IRAK2: variants seen among roughly 807,000 people sequenced by gnomAD.
IRAK2 encodes interleukin 1 receptor associated kinase 2.
In IRAK2, 57 loss-of-function variants were observed where a neutral mutation model predicts 72.0. The ratio of observed to expected loss-of-function variants is 0.79; its 90% CI spans 0.64 to 0.99. IRAK2 has a LOEUF of 0.99. Ranked by LOEUF, IRAK2 falls within the 50% of genes least tolerant of loss-of-function variation. The probability of loss-of-function intolerance (pLI) is 0.00; values close to 1 mark genes in which losing one functional copy is unlikely to be tolerated. For synonymous variants in IRAK2, 293 were observed against 312.7 expected (o/e 0.94, Z 0.67); for missense variants, 790 against 794.4 (o/e 0.99, Z 0.07).
chr3:10,229,957 C>T (rs150069241), intron 10 of IRAK2, among the ~76,000 whole-genome samples: 1 of 151,866 alleles, frequency 6.6e-6, no homozygotes, highest in Non-Finnish European at 1.5e-5. Flanking sequence ...AAAATTAGCC[C>T]TGTGTGGTGG....
intron 1 of IRAK2, among the ~76,000 whole-genome samples, chr3:10,170,834 C>T (rs755061403): frequency 1.3e-5 from 2 of 152,214 alleles, no homozygotes; most frequent in Non-Finnish European, 2.9e-5. Flanking sequence ...GCGGTGCCTC[C>T]GGCCCACTGC....
At chr3:10,197,464 T>G (rs1470636895) in intron 2 of IRAK2, among the ~76,000 whole-genome samples, 1 of 151,976 alleles carries the variant, frequency 6.6e-6, no homozygotes. Context: ...GTGGACTATT[T>G]AAGAGATAAC....
chr3:10,235,646 C>T lies in IRAK2; in HGVS notation c.1473+987C>T, dbSNP rs1304956055. On this transcript the variant is annotated intron_variant, in intron 11 of 12. Coordinates refer to ENST00000256458, the MANE Select transcript of IRAK2 (RefSeq NM_001570.4). ...CCCCACCTGTGACTCGGACCAGACA[C>T]CCACTTTTGACTTCTCTCAGTTACT... is the stretch of plus-strand genomic sequence containing the variant. Among the ~76,000 whole-genome samples the T allele has an allele frequency of 5.3e-5, 8 of 152,110 alleles. No individual in the cohort carries two copies. The East Asian group carries it at 1.5e-3, about 29-fold the overall frequency.
intron 8 of IRAK2, among the ~76,000 whole-genome samples, chr3:10,220,508 T>C (rs1027997624): frequency 3.3e-5 from 5 of 152,104 alleles, no homozygotes; most frequent in African/African-American, 1.2e-4. Context: ...AGTGGTGCGA[T>C]CTCAGCTCAC....
chr3:10,170,206 C>T (rs1259470486), intron 1 of IRAK2, among the ~76,000 whole-genome samples: 4 of 152,204 alleles, frequency 2.6e-5, no homozygotes, highest in Non-Finnish European at 2.9e-5. Context: ...TGTATCATCA[C>T]ATCTGTCTCT....
intron 2 of IRAK2, among the ~76,000 whole-genome samples, chr3:10,198,712 T>A (rs1051109570): frequency 6.6e-6 from 1 of 152,178 alleles, no homozygotes; most frequent in African/African-American, 2.4e-5. Flanking sequence ...AAAAGTGAGG[T>A]CCCAGGGTAA....
rs1696901500 is a variant in IRAK2 at position 10,177,885 on chromosome 3, A to C, written c.142A>C (p.Met48Leu). The stretch of plus-strand genomic sequence containing the variant: ...GACCCAGCTGCGGAAGATCAAGTCC[A>C]TGGAGCGGGTGCAGGGTGTGAGCAT... ...DLTQLRKIKS[M>L]ERVQGVSITR... Residue 48 changes from methionine (M) to leucine (L), a missense_variant, in exon 2 of 13, where the codon ATG becomes CTG. Coordinates refer to ENST00000256458, the MANE Select transcript of IRAK2 (RefSeq NM_001570.4). 3.7e-6 allele frequency: 6 copies of C among 1,613,716 alleles called. No homozygotes were observed. Among genetic ancestry groups the C allele is most frequent in the Non-Finnish European group, 5.1e-6 (6 of 1,180,032 alleles).
intron 12 of IRAK2, among the ~76,000 whole-genome samples, chr3:10,240,937 G>A (rs1450529537): frequency 6.6e-6 from 1 of 151,842 alleles, no homozygotes; most frequent in African/African-American, 2.4e-5. Flanking sequence ...GACCACTCCT[G>A]TTTCTCTTTT....
intron 4 of IRAK2, among the ~76,000 whole-genome samples, chr3:10,212,532 A>G (rs1196482703): frequency 6.6e-6 from 1 of 152,172 alleles, no homozygotes; most frequent in Non-Finnish European, 1.5e-5. Context: ...ACCTCACTTC[A>G]GCTGTTTTAT....
chr3:10,171,706 G>A (rs906440319), intron 1 of IRAK2, among the ~76,000 whole-genome samples: 13 of 149,654 alleles, frequency 8.7e-5, no homozygotes, highest in African/African-American at 2.9e-4. Flanking sequence ...GACCAGCCTC[G>A]TGATCCGCCC....
chr3:10,227,275 C>A (rs371964825), intron 10 of IRAK2, among the ~76,000 whole-genome samples: 2 of 152,034 alleles, frequency 1.3e-5, no homozygotes, highest in African/African-American at 4.8e-5. Flanking sequence ...TGGCGAAACC[C>A]TGTCTCTACT....
chr3:10,231,721 G>T (rs1389051520), intron 10 of IRAK2, among the ~76,000 whole-genome samples: 2 of 152,068 alleles, frequency 1.3e-5, no homozygotes, highest in Non-Finnish European at 2.9e-5. Context: ...TCACTTTGTT[G>T]CCCAGGCGAG....
chr3:10,240,131 G>A (rs1698028935), intron 12 of IRAK2, among the ~76,000 whole-genome samples: 1 of 130,574 alleles, frequency 7.7e-6, no homozygotes, highest in Non-Finnish European at 1.6e-5. Flanking sequence ...CTGAGTGACA[G>A]AGTGAGACTC....
intron 2 of IRAK2, among the ~76,000 whole-genome samples, chr3:10,194,243 G>A (rs749689019): frequency 1.4e-4 from 22 of 152,238 alleles, no homozygotes; most frequent in Non-Finnish European, 2.6e-4. Flanking sequence ...TCTGGCTCAA[G>A]CCAGAGCCGA....
At chr3:10,203,065 C>T (rs111390280) in intron 3 of IRAK2, among the ~76,000 whole-genome samples, 3 of 152,172 alleles carry the variant, frequency 2.0e-5, no homozygotes, top group African/African-American at 4.8e-5. Context: ...GGCACAATCT[C>T]GGCTCATTGC....
intron 3 of IRAK2, among the ~76,000 whole-genome samples, chr3:10,202,186 A>G (rs1375951352): frequency 6.6e-6 from 1 of 152,206 alleles, no homozygotes; most frequent in Non-Finnish European, 1.5e-5. Context: ...TTGATCAGCA[A>G]TGAAAGATAA....
chr3:10,182,775 G>GTT (rs368969589), intron 2 of IRAK2, among the ~76,000 whole-genome samples: 2 of 141,620 alleles, frequency 1.4e-5, no homozygotes, highest in Non-Finnish European at 1.6e-5. Context: ...CCACTAATTT[G>GTT]TTTTTTTTTT....
intron 1 of IRAK2, among the ~76,000 whole-genome samples, chr3:10,170,772 G>T (rs1446401937): frequency 2.0e-5 from 3 of 152,228 alleles, no homozygotes; most frequent in African/African-American, 7.2e-5. Context: ...TTACCCATTG[G>T]AGCTGGCCTG....
rs763030890 is a variant in IRAK2 at position 10,226,443 on chromosome 3, C to T, written c.1272+10C>T. ...AAGCCCGGTTTACCTGGTAAGGGAA[C>T]TTGTCACATCTGGCTGGGAGGTATA... On this transcript the variant is annotated intron_variant, in intron 10 of 12. Transcript: ENST00000256458. The T allele has an allele frequency of 6.2e-7, 1 of 1,610,840 alleles. No individual in the cohort carries two copies. Among genetic ancestry groups the T allele is most frequent in the South Asian group, 1.1e-5 (1 of 90,550 alleles).
Sources: allele counts gnomAD v4.1 joint callset (sites outside exome capture counted in the v4.1 genomes callset), GRCh38; gene constraint gnomAD v4.1.1; transcripts MANE v1.5; gene names NCBI Gene and HGNC (gene_info 2026-07-23, HGNC 2026-07-21).